Variants in CSMD1 observed in about 807,000 individuals in gnomAD.
CSMD1 encodes the protein CUB and Sushi multiple domains 1.
A neutral mutation model predicts 417.5 loss-of-function variants in CSMD1; 213 were observed. The ratio of observed to expected loss-of-function variants is 0.51; its 90% CI spans 0.46 to 0.57. CSMD1 has a LOEUF of 0.57. Among genes scored for constraint, CSMD1 ranks in the 20% least tolerant of loss-of-function variants. The pLI is 0.00. For synonymous variants in CSMD1, 2,862 were observed against 1,736.8 expected, an observed-to-expected ratio of 1.65 and a Z score of -16.11; for missense variants, 6,923 against 4,529.7, an observed-to-expected ratio of 1.53 and a Z score of -15.17.
At chr8:3,061,268 G>A (rs932372827) in intron 49 of CSMD1, among the ~76,000 whole-genome samples, 1 of 152,068 alleles carries the variant, frequency 6.6e-6, no homozygotes, top group African/African-American at 2.4e-5. Context: ...AAAACATCTG[G>A]ACCCTACTAG....
At chr8:3,234,731 C>A (rs1403213954) in intron 26 of CSMD1, among the ~76,000 whole-genome samples, 2 of 152,172 alleles carry the variant, frequency 1.3e-5, no homozygotes, top group Admixed American at 6.5e-5. Context: ...AGGTCTCACC[C>A]ATAAGCCACA....
intron 1 of CSMD1, among the ~76,000 whole-genome samples, chr8:4,732,280 G>A (rs918690039): frequency 6.6e-6 from 1 of 151,644 alleles, no homozygotes; most frequent in African/African-American, 2.4e-5. Context: ...CACTCTGCTA[G>A]ATTCTAGAAA....
At chr8:4,117,436 G>A (rs1024125958) in intron 3 of CSMD1, among the ~76,000 whole-genome samples, 1 of 151,986 alleles carries the variant, frequency 6.6e-6, no homozygotes. Flanking sequence ...AAGCAGGACC[G>A]CATGCTGCAA....
intron 5 of CSMD1, among the ~76,000 whole-genome samples, chr8:3,927,219 C>T (rs558636704): frequency 2.0e-5 from 3 of 151,826 alleles, no homozygotes; most frequent in Non-Finnish European, 2.9e-5. Context: ...TAAATAAATG[C>T]TAACCTTCTT....
chr8:4,435,957 C>T (rs757423208), intron 2 of CSMD1, among the ~76,000 whole-genome samples: 12 of 152,172 alleles, frequency 7.9e-5, no homozygotes, highest in African/African-American at 2.4e-4. Flanking sequence ...TTAGCCTTTA[C>T]ATCCACACAT....
chr8:3,085,939 C>G (rs1363364807), intron 49 of CSMD1, among the ~76,000 whole-genome samples: 1 of 152,164 alleles, frequency 6.6e-6, no homozygotes, highest in African/African-American at 2.4e-5. Flanking sequence ...GACTCCACCT[C>G]TAGAGGACAG....
chr8:4,194,570 C>T (rs1023974763), intron 3 of CSMD1, among the ~76,000 whole-genome samples: 4 of 152,068 alleles, frequency 2.6e-5, no homozygotes, highest in Admixed American at 6.6e-5. Context: ...ATAAAAAGTA[C>T]GCCATTTTCT....
rs546205268 is a variant in CSMD1 at position 3,948,537 on chromosome 8, T to A, written c.818+49366A>T. ...TATATTTTCTTTATTTTATATATAT[T>A]ATATTTGGTTGCTGGACAAAGATCT... is the stretch of plus-strand genomic sequence containing the variant. On this transcript the variant is annotated intron_variant, in intron 5 of 69. Transcript: ENST00000635120. 5.9e-5 allele frequency among the ~76,000 whole-genome samples: 9 copies of A among 152,260 alleles called. No homozygotes were observed. The South Asian group carries it at 1.7e-3, about 28-fold the overall frequency.
At chr8:3,701,427 C>A (rs1056440344) in intron 7 of CSMD1, among the ~76,000 whole-genome samples, 7 of 152,078 alleles carry the variant, frequency 4.6e-5, no homozygotes, top group African/African-American at 9.6e-5. Context: ...CGGGCTGAAC[C>A]GAAGCTGCTG....
intron 7 of CSMD1, among the ~76,000 whole-genome samples, chr8:3,645,411 G>A (rs1456070240): frequency 1.3e-5 from 2 of 152,224 alleles, no homozygotes; most frequent in East Asian, 1.9e-4. Flanking sequence ...GGGTGTCTGG[G>A]TACCTTCTGG....
intron 34 of CSMD1, 88 bp downstream of exon 34, chr8:3,189,824 T>C: frequency 8.0e-7 from 1 of 1,255,932 alleles, no homozygotes; most frequent in Non-Finnish European, 1.1e-6. Context: ...GCCAGATGGA[T>C]TTACGTAGCC....
At chr8:4,940,988 G>C (rs1322720040) in intron 1 of CSMD1, among the ~76,000 whole-genome samples, 2 of 152,092 alleles carry the variant, frequency 1.3e-5, no homozygotes, top group Non-Finnish European at 2.9e-5. Flanking sequence ...TTTTCTTAAA[G>C]TTCAAGAAAG....
intron 5 of CSMD1, among the ~76,000 whole-genome samples, chr8:3,907,185 C>T (rs73495989): frequency 0.026 from 3,960 of 152,238 alleles, 122 homozygotes; most frequent in African/African-American, 0.072. Context: ...CGCATGTTAC[C>T]TGAATCAGCG....
At chr8:4,432,483 C>T (rs989841097) in intron 2 of CSMD1, among the ~76,000 whole-genome samples, 12 of 152,128 alleles carry the variant, frequency 7.9e-5, no homozygotes, top group African/African-American at 2.9e-4. Flanking sequence ...AATTACCCTC[C>T]TTGGGGTGTC....
At chr8:4,796,140 A>T (rs1184447059) in intron 1 of CSMD1, among the ~76,000 whole-genome samples, 1 of 152,030 alleles carries the variant, frequency 6.6e-6, no homozygotes, top group Non-Finnish European at 1.5e-5. Context: ...GGACCAAAAA[A>T]ACTTAAGCCT....
chr8:4,592,180 G>T (rs934204143), intron 2 of CSMD1, among the ~76,000 whole-genome samples: 2 of 150,806 alleles, frequency 1.3e-5, no homozygotes, highest in Non-Finnish European at 1.5e-5. Flanking sequence ...ATACTCTCAG[G>T]GTAGATTTCA....
chr8:4,705,519 G>A (rs1227434960), intron 1 of CSMD1, among the ~76,000 whole-genome samples: 1 of 152,186 alleles, frequency 6.6e-6, no homozygotes, highest in African/African-American at 2.4e-5. Context: ...AACGCGCACA[G>A]CCTTTATCTC....
intron 5 of CSMD1, among the ~76,000 whole-genome samples, chr8:3,760,426 A>T (rs1797929147): frequency 6.6e-6 from 1 of 152,228 alleles, no homozygotes; most frequent in Admixed American, 6.5e-5. Flanking sequence ...GAGCTTAAAT[A>T]GAACAGGCCA....
intron 3 of CSMD1, among the ~76,000 whole-genome samples, chr8:4,261,731 C>A (rs952918558): frequency 2.0e-5 from 3 of 151,950 alleles, no homozygotes; most frequent in African/African-American, 7.3e-5. Flanking sequence ...TTAAATGCCC[C>A]CATCACACAC....
Sources: gnomAD v4.1 joint callset for allele counts (sites outside exome capture counted in the v4.1 genomes callset) on GRCh38, gnomAD v4.1.1 for gene constraint, MANE v1.5 for transcripts, NCBI Gene and HGNC (gene_info 2026-07-23, HGNC 2026-07-21) for gene names.